MED17: variants seen among roughly 807,000 people sequenced by gnomAD.
MED17 encodes mediator complex subunit 17.
In MED17, 49 loss-of-function variants were observed where a neutral mutation model predicts 80.8. That is an observed-to-expected ratio of 0.61 (90% CI 0.48 to 0.77). MED17 has a LOEUF of 0.77. Ranked by LOEUF, MED17 falls within the 30% of genes least tolerant of loss-of-function variation. MED17 has a pLI of 0.00. For missense variants in MED17, 718 were observed against 787.0 expected (o/e 0.91, Z 1.05); for synonymous variants, 281 against 280.4 (o/e 1.00, Z -0.02).
At chr11:93,791,443 A>G (rs1437983118) in intron 3 of MED17, among the ~76,000 whole-genome samples, 1 of 151,944 alleles carries the variant, frequency 6.6e-6, no homozygotes, top group Non-Finnish European at 1.5e-5. Context: ...AGTGGCTCAC[A>G]CCTGTAATCC....
Position 93,790,623 on chromosome 11 carries a change from C to T in MED17, c.467C>T (p.Ala156Val). The T allele has an allele frequency of 6.2e-7, 1 of 1,614,150 alleles. No individual in the cohort carries two copies. Among genetic ancestry groups the T allele is most frequent in the South Asian group, 1.1e-5 (1 of 91,066 alleles). The part of the protein sequence containing the change: ...LISKKKSLAG[A>V]AQILLKGAER... ...TCTAAAAAGAAGTCACTTGCTGGAG[C>T]AGCACAAATCTTATTGAAGGGGGCA... The change falls in exon 3 of 12, where the codon GCA (alanine) becomes GTA (valine). Residue 156 changes from alanine to valine, a missense_variant. Ala to Val is a moderately conservative substitution (Grantham distance 64). Transcript: ENST00000251871.
chr11:93,811,615 C>CA, intron 11 of MED17: 1 of 530,832 alleles, frequency 1.9e-6, no homozygotes, highest in Non-Finnish European at 3.3e-6. Context: ...GGTCAAAACT[C>CA]ACCTTGCTTA....
intron 1 of MED17, among the ~76,000 whole-genome samples, chr11:93,787,379 C>T (rs1283259334): frequency 1.3e-5 from 2 of 151,742 alleles, no homozygotes; most frequent in Non-Finnish European, 2.9e-5. Flanking sequence ...CGCTACTGCA[C>T]TCCAGCCTGG....
chr11:93,810,141 C>T (rs1244273107), intron 11 of MED17: 1 of 445,522 alleles, frequency 2.2e-6, no homozygotes, highest in Non-Finnish European at 4.1e-6. Flanking sequence ...GTTACTCCTG[C>T]AGTCCCAAAG....
At chr11:93,793,112 C>CCCTTTTTTTTTTTTT (rs1333532314) in intron 3 of MED17, 1 of 21,034 alleles carries the variant, frequency 4.8e-5, no homozygotes, top group African/African-American at 8.3e-5. Flanking sequence ...AGGAGTACAC[C>CCCTTTTTTTTTTTTT]TCTTTTTTTT....
chr11:93,796,018 G>A (rs1943896440), intron 6 of MED17: 2 of 243,808 alleles, frequency 8.2e-6, no homozygotes, highest in Admixed American at 5.2e-5. Context: ...CGTGATCTTG[G>A]CTCACTGCAA....
intron 6 of MED17, chr11:93,795,805 T>C (rs1215831975): frequency 6.4e-6 from 1 of 155,432 alleles, no homozygotes; most frequent in African/African-American, 2.4e-5. Flanking sequence ...TAAGACTGCC[T>C]ACCTACTCTT....
At chr11:93,784,790 C>T (rs1182508117) in intron 1 of MED17, 27 bp downstream of exon 1, 47 of 1,534,084 alleles carry the variant, frequency 3.1e-5, no homozygotes, top group Non-Finnish European at 4.0e-5. Flanking sequence ...CTGCCCGAGT[C>T]CCCCGGTCTG....
Position 93,784,768 on chromosome 11 carries a change from G to A in MED17, c.250+5G>A, listed in dbSNP as rs773510428. The A allele has an allele frequency of 2.0e-6, 3 of 1,537,428 alleles. 1 individual carries two copies. Among genetic ancestry groups the A allele is most frequent in the East Asian group, 2.4e-5 (1 of 41,450 alleles). ...CAGACCAGGACGACGAGGAAGGTAA[G>A]GCCTGCATCCGCTGCCCGAGTCCCC... On this transcript the variant is annotated splice_donor_5th_base_variant and intron_variant, in intron 1 of 11. Coordinates refer to ENST00000251871, the MANE Select transcript of MED17 (RefSeq NM_004268.5).
chr11:93,790,704 T>TC lies in MED17; in HGVS notation c.549dup (p.Asn184GlnfsTer3), dbSNP rs1357595604. On this transcript the variant is annotated frameshift_variant, in exon 3 of 12. Coordinates refer to ENST00000251871, the MANE Select transcript of MED17 (RefSeq NM_004268.5). LOFTEE classifies it high-confidence loss of function. ...CAAGAAAACAAGCTACAAAGAGACT[T>TC]CAATTCTGAGCTTTTGCGATTACGG... 1 of 1,614,058 alleles carries TC rather than the reference T, an allele frequency of 6.2e-7. No individual in the cohort carries two copies. The highest frequency in any genetic ancestry group is 1.3e-5 in the African/African-American group (1 of 74,922).
At chr11:93,792,835 G>A (rs965304823) in intron 3 of MED17, among the ~76,000 whole-genome samples, 3 of 152,080 alleles carry the variant, frequency 2.0e-5, no homozygotes, top group African/African-American at 7.2e-5. Context: ...TAGTTACTTG[G>A]GAGGCTGAAG....
Position 93,814,313 on chromosome 11 carries a change from T to C in MED17, c.*2249T>C, listed in dbSNP as rs912010508. On this transcript the variant is annotated 3_prime_UTR_variant, in exon 12 of 12. Coordinates refer to ENST00000251871, the MANE Select transcript of MED17 (RefSeq NM_004268.5). The stretch of plus-strand genomic sequence containing the variant: ...GAAAATGGTAGCTTAGTTGCTGTGG[T>C]AGCAATTCTTATGCCTTGTATTTAT... The C allele has an allele frequency of 6.6e-6, 1 of 152,238 alleles. No individual in the cohort carries two copies. Among genetic ancestry groups the C allele is most frequent in the African/African-American group, 2.4e-5 (1 of 41,468 alleles). The allele number at this position is 152,238 out of a possible 1,614,324, so 9.4% of individuals were successfully genotyped here.
At chr11:93,798,036 C>A (rs1269969962) in intron 8 of MED17, among the ~76,000 whole-genome samples, 1 of 152,164 alleles carries the variant, frequency 6.6e-6, no homozygotes. Flanking sequence ...TGATTTACAT[C>A]TTTTTCTTGA....
chr11:93,809,471 A>G (rs994336062), intron 10 of MED17: 11 of 547,988 alleles, frequency 2.0e-5, no homozygotes, highest in South Asian at 5.9e-5. Context: ...AATTTATGTC[A>G]TATGTCTTTG....
At chr11:93,799,750 T>C (rs1433570687) in intron 8 of MED17, among the ~76,000 whole-genome samples, 1 of 152,134 alleles carries the variant, frequency 6.6e-6, no homozygotes, top group African/African-American at 2.4e-5. Context: ...TACACTCCAG[T>C]TGGGATGACA....
intron 7 of MED17, 134 bp downstream of exon 7, chr11:93,796,674 C>T (rs929111711): frequency 2.3e-5 from 24 of 1,058,734 alleles, no homozygotes; most frequent in Non-Finnish European, 2.7e-5. Flanking sequence ...GTGAAAGATC[C>T]TTGCTGTGTG....
rs3763809 is a variant in MED17, at chr11:93,807,344, C to T, written c.1467-174C>T. 1.2e-3 allele frequency: 659 copies of T among 561,952 alleles called. 9 individuals carry two copies. The East Asian group carries it at 0.021, about 18-fold the overall frequency. 34.8% of individuals were successfully genotyped at this position (561,952 alleles called of 1,614,324 possible). ...AGGAGACTCTCTTGAACTCAGGAAG[C>T]GGAGGTTGCAGTGAGCTGAGATCAC... On this transcript the variant is annotated intron_variant, in intron 9 of 11. Transcript: ENST00000251871.
At chr11:93,787,295 C>T (rs1281912064) in intron 1 of MED17, among the ~76,000 whole-genome samples, 1 of 152,054 alleles carries the variant, frequency 6.6e-6, no homozygotes, top group African/African-American at 2.4e-5. Context: ...TGCTTGTAGT[C>T]CCAGCTACTG....
intron 9 of MED17, among the ~76,000 whole-genome samples, chr11:93,802,403 GT>G (rs940165764): frequency 1.6e-4 from 25 of 152,128 alleles, no homozygotes; most frequent in Non-Finnish European, 3.4e-4. Flanking sequence ...CCCGGCCCTT[GT>G]TTTTTTGTTT....
Sources: allele counts gnomAD v4.1 joint callset (sites outside exome capture counted in the v4.1 genomes callset), GRCh38; gene constraint gnomAD v4.1.1; transcripts MANE v1.5; gene names NCBI Gene and HGNC (gene_info 2026-07-23, HGNC 2026-07-21).